The following ANG variants were observed in gnomAD, a reference collection of about 807,000 sequenced individuals.
ANG encodes the protein angiogenin, also known as Homo sapiens epididymis luminal protein 168.
For missense variants in ANG, 178 were observed against 187.4 expected (o/e 0.95, Z 0.29); for synonymous variants, 74 against 73.8 (o/e 1.00, Z -0.02).
chr14:20,684,970 C>T (rs1243747764), upstream of ANG, among the ~76,000 whole-genome samples: 1 of 152,150 alleles, frequency 6.6e-6, no homozygotes, highest in African/African-American at 2.4e-5. Context: ...TTACTTTGCG[C>T]AGCTGGGCAC....
chr14:20,688,952 A>T, intron 1 of ANG, 78 bp downstream of exon 1: 1 of 735,740 alleles, frequency 1.4e-6, no homozygotes, highest in Non-Finnish European at 1.7e-6. Context: ...TCCTCCCTTT[A>T]AAGCCTCCAG....
chr14:20,684,535 C>T (rs561004785), upstream of ANG: 74 of 152,446 alleles, frequency 4.9e-4, no homozygotes, highest in African/African-American at 1.6e-3. Context: ...TACGCAGAGG[C>T]TGGCACGCCG....
chr14:20,694,020 C>G lies in ANG; in HGVS notation c.*12C>G, dbSNP rs749844944. The G allele has an allele frequency of 1.2e-6, 2 of 1,614,136 alleles. No homozygotes were observed. The highest frequency in any genetic ancestry group is 1.7e-6 in the Non-Finnish European group (2 of 1,180,008). Reference sequence around the variant, plus strand: ...TCCGTCGTCCGTAACCAGCGGGCCCCTGGTCAAGTGCTGGCTCTGCTGTCC... The same window carrying G: ...TCCGTCGTCCGTAACCAGCGGGCCCGTGGTCAAGTGCTGGCTCTGCTGTCC... On this transcript the variant is annotated 3_prime_UTR_variant, in exon 2 of 2. Transcript: ENST00000397990.
intron 1 of ANG, among the ~76,000 whole-genome samples, chr14:20,691,896 C>T (rs1299063874): frequency 3.3e-5 from 5 of 152,230 alleles, no homozygotes; most frequent in African/African-American, 9.7e-5. Context: ...TCTAGATCCA[C>T]AGTCTTGCTC....
intron 1 of ANG, among the ~76,000 whole-genome samples, chr14:20,689,626 A>G (rs1320381257): frequency 6.6e-6 from 1 of 152,212 alleles, no homozygotes. Context: ...TACTCTAAAG[A>G]ACAGTTGGGG....
At chr14:20,688,675 C>G (rs897464339), upstream of ANG, 6 of 985,094 alleles carry the variant, frequency 6.1e-6, no homozygotes, top group African/African-American at 7.0e-5. Context: ...AATGACCCTC[C>G]TCGTTTGTTC....
At chr14:20,690,904 C>T (rs1414002869) in intron 1 of ANG, among the ~76,000 whole-genome samples, 1 of 152,226 alleles carries the variant, frequency 6.6e-6, no homozygotes, top group African/African-American at 2.4e-5. Flanking sequence ...TCCACGATCA[C>T]GTGGGTAATG....
In ANG at chr14:20,693,037, C is replaced by T. The variant is rs544359710; in HGVS notation, c.-18-510C>T. Among the ~76,000 whole-genome samples, 8 of 151,638 alleles carry T rather than the reference C, an allele frequency of 5.3e-5. No homozygotes were observed. In the East Asian group the frequency reaches 5.8e-4, roughly 11 times the overall value. ...TAATTTTTTGTATTTTTAGTAGAGACGGGGTTTCACCGTGGTAGCCAGGAT... is the reference window on the plus strand; with the variant it reads ...TAATTTTTTGTATTTTTAGTAGAGATGGGGTTTCACCGTGGTAGCCAGGAT... On this transcript the variant is annotated intron_variant, in intron 1 of 1. Coordinates refer to ENST00000397990, the MANE Select transcript of ANG (RefSeq NM_001097577.3).
chr14:20,685,997 G>A (rs1041855642), upstream of ANG, among the ~76,000 whole-genome samples: 10 of 149,716 alleles, frequency 6.7e-5, no homozygotes, highest in Admixed American at 2.7e-4. Flanking sequence ...CAGAGATTGC[G>A]TCACTGCACT....
At chr14:20,691,416 C>G (rs574176035) in intron 1 of ANG, among the ~76,000 whole-genome samples, 1 of 152,276 alleles carries the variant, frequency 6.6e-6, no homozygotes, top group South Asian at 2.1e-4. Flanking sequence ...AAACTAGAAA[C>G]AGGAAACACA....
chr14:20,693,668 C>T lies in ANG; in HGVS notation c.104C>T (p.Thr35Ile). The change falls in exon 2 of 2, where the codon ACC (threonine) becomes ATC (isoleucine). Residue 35 changes from threonine (T) to isoleucine (I), a missense_variant. Coordinates refer to ENST00000397990, the MANE Select transcript of ANG (RefSeq NM_001097577.3). ...AACTCCAGGTACACACACTTCCTGA[C>T]CCAGCACTATGATGCCAAACCACAG... is the stretch of plus-strand genomic sequence containing the variant. ...QDNSRYTHFL[T>I]QHYDAKPQGR... The T allele has an allele frequency of 6.2e-7, 1 of 1,614,132 alleles. No homozygotes were observed. Among genetic ancestry groups the T allele is most frequent in the Non-Finnish European group, 8.5e-7 (1 of 1,180,026 alleles).
chr14:20,693,282 T>C (rs576652455), intron 1 of ANG, among the ~76,000 whole-genome samples: 1 of 152,234 alleles, frequency 6.6e-6, no homozygotes, highest in African/African-American at 2.4e-5. Flanking sequence ...ATGTTACGAC[T>C]GATAGAGAAA....
upstream of ANG, chr14:20,684,716 T>C (rs1035590445): frequency 1.3e-5 from 2 of 152,332 alleles, no homozygotes; most frequent in Admixed American, 1.3e-4. Flanking sequence ...AAAACTTCTT[T>C]CCATTGTCCT....
intron 1 of ANG, among the ~76,000 whole-genome samples, chr14:20,691,713 A>T (rs1886760122): frequency 6.6e-6 from 1 of 152,212 alleles, no homozygotes; most frequent in Non-Finnish European, 1.5e-5. Context: ...ATGCTAAGGA[A>T]TTTTTTCATT....
At chr14:20,692,890 A>G (rs190194733) in intron 1 of ANG, among the ~76,000 whole-genome samples, 4 of 151,872 alleles carry the variant, frequency 2.6e-5, no homozygotes, top group African/African-American at 9.7e-5. Context: ...CTCTGTCGCC[A>G]AGGCTGGAGT....
intron 1 of ANG, among the ~76,000 whole-genome samples, chr14:20,691,218 C>G (rs538614189): frequency 5.3e-4 from 80 of 152,278 alleles, no homozygotes; most frequent in African/African-American, 1.8e-3. Flanking sequence ...TGCCACCTAA[C>G]GACTCTTTTA....
At chr14:20,685,139 C>G (rs1354260097), upstream of ANG, among the ~76,000 whole-genome samples, 14 of 152,136 alleles carry the variant, frequency 9.2e-5, no homozygotes, top group Admixed American at 9.2e-4. Flanking sequence ...TAGTTTTTTG[C>G]AAGCGTAACT....
intron 1 of ANG, among the ~76,000 whole-genome samples, chr14:20,692,349 A>G (rs1258710772): frequency 1.3e-5 from 2 of 152,196 alleles, no homozygotes; most frequent in Non-Finnish European, 1.5e-5. Context: ...TCAGGATACA[A>G]CTGCTTTCAA....
intron 1 of ANG, among the ~76,000 whole-genome samples, chr14:20,690,244 A>AAAAG (rs1796867428): frequency 3.3e-5 from 5 of 149,846 alleles, no homozygotes; most frequent in African/African-American, 9.8e-5. Flanking sequence ...AAAAAAAAAA[A>AAAAG]AAAAGAAAAG....
Sources: allele counts gnomAD v4.1 joint callset (sites outside exome capture counted in the v4.1 genomes callset), GRCh38; gene constraint gnomAD v4.1.1; transcripts MANE v1.5; gene names NCBI Gene and HGNC (gene_info 2026-07-23, HGNC 2026-07-21).